Variants in WWP2 observed in about 807,000 individuals in gnomAD.
WWP2 encodes NEDD4-like E3 ubiquitin-protein ligase WWP2.
WWP2 carries 57 observed loss-of-function variants against 121.0 expected under a neutral mutation model. That is an observed-to-expected ratio of 0.47 (90% CI 0.38 to 0.59). The LOEUF (loss-of-function observed/expected upper bound fraction) is 0.59. Among genes scored for constraint, WWP2 ranks in the 20% least tolerant of loss-of-function variants. The pLI is 0.00. For synonymous variants in WWP2, 449 were observed against 441.3 expected, an observed-to-expected ratio of 1.02 and a Z score of -0.22; for missense variants, 962 against 1,158.9, an observed-to-expected ratio of 0.83 and a Z score of 2.47.
chr16:69,781,630 G>A (rs747206553), intron 1 of WWP2, among the ~76,000 whole-genome samples: 3 of 151,926 alleles, frequency 2.0e-5, no homozygotes, highest in Non-Finnish European at 4.4e-5. Flanking sequence ...GATTATAGGC[G>A]CCCGCTGGCT....
At chr16:69,824,577 C>G (rs2056651161) in intron 4 of WWP2, among the ~76,000 whole-genome samples, 1 of 142,170 alleles carries the variant, frequency 7.0e-6, no homozygotes, top group Admixed American at 7.5e-5. Flanking sequence ...CCCTTTTCCT[C>G]TCTCCCTCAA....
intron 8 of WWP2, among the ~76,000 whole-genome samples, chr16:69,892,867 T>C (rs2151943848): frequency 6.6e-6 from 1 of 152,348 alleles, no homozygotes; most frequent in East Asian, 1.9e-4. Flanking sequence ...ACTCTGAGCA[T>C]GACCTTTCAC....
intron 8 of WWP2, among the ~76,000 whole-genome samples, chr16:69,891,656 T>C (rs1418348499): frequency 1.3e-5 from 2 of 152,192 alleles, no homozygotes; most frequent in Non-Finnish European, 2.9e-5. Context: ...GTTCTCCCCC[T>C]GGCTCGACTC....
At chr16:69,870,297 CCTTT>C (rs897864358) in intron 6 of WWP2, among the ~76,000 whole-genome samples, 12 of 121,868 alleles carry the variant, frequency 9.8e-5, no homozygotes, top group African/African-American at 4.3e-4. Context: ...ATTTATTTAT[CCTTT>C]TTTTTTTTTT....
At chr16:69,808,050 A>C (rs979409890) in intron 4 of WWP2, among the ~76,000 whole-genome samples, 1 of 152,224 alleles carries the variant, frequency 6.6e-6, no homozygotes, top group Non-Finnish European at 1.5e-5. Flanking sequence ...ATCAAGACAT[A>C]GCATATTTCT....
chr16:69,849,482 T>TATTCATTCATTCATTCATTCATTCATTC (rs10632935), intron 6 of WWP2, among the ~76,000 whole-genome samples: 1 of 149,554 alleles, frequency 6.7e-6, no homozygotes, highest in Non-Finnish European at 1.5e-5. Context: ...TTTATTTATT[T>TATTCATTCATTCATTCATTCATTCATTC]ATTCATTCAT....
chr16:69,931,423 G>A, intron 14 of WWP2, 86 bp from the exon 15 acceptor site: 1 of 1,570,248 alleles, frequency 6.4e-7, no homozygotes, highest in Non-Finnish European at 8.7e-7. Flanking sequence ...TGGCCCAGCA[G>A]GCTGGGGAAT....
chr16:69,845,912 T>C (rs3827941), intron 6 of WWP2, among the ~76,000 whole-genome samples: 2 of 56,740 alleles, frequency 3.5e-5, no homozygotes, highest in Non-Finnish European at 3.7e-5. Flanking sequence ...TAGCCAGGCA[T>C]GGTGGTGTGT....
chr16:69,889,677 A>G (rs1030419643), intron 8 of WWP2, among the ~76,000 whole-genome samples: 1 of 152,148 alleles, frequency 6.6e-6, no homozygotes, highest in South Asian at 2.1e-4. Context: ...CTGAACCGGG[A>G]GGTGAAGTCC....
At chr16:69,847,570 G>A (rs2057107302) in intron 6 of WWP2, among the ~76,000 whole-genome samples, 2 of 151,412 alleles carry the variant, frequency 1.3e-5, no homozygotes. Context: ...CACCATGCCT[G>A]ACTAATTTTG....
In WWP2 at chr16:69,917,938, G is replaced by A. The variant is rs1171737837; in HGVS notation, c.1179+55G>A. 12 of 1,511,136 alleles carry A rather than the reference G, an allele frequency of 7.9e-6. No individual in the cohort carries two copies. In the Admixed American group the frequency reaches 1.2e-4, roughly 15 times the overall value. The allele number at this position is 1,511,136 out of a possible 1,614,324, so 93.6% of individuals were successfully genotyped here. A position where few individuals can be genotyped will look rare whatever the true frequency, so the allele number is the denominator to read the frequency against. On this transcript the variant is annotated intron_variant, in intron 10 of 23. Transcript: ENST00000359154. ...GGGCCGCCTCCCTGCGCTTGCGAATGTGCAGCCACGTGTTCTCTGTTGACC... is the reference window on the plus strand; with the variant it reads ...GGGCCGCCTCCCTGCGCTTGCGAATATGCAGCCACGTGTTCTCTGTTGACC...
At chr16:69,766,969 G>C (rs991630987) in intron 1 of WWP2, among the ~76,000 whole-genome samples, 1 of 151,490 alleles carries the variant, frequency 6.6e-6, no homozygotes, top group Non-Finnish European at 1.5e-5. Context: ...GGTCAGGCTA[G>C]CCTCAAAATC....
chr16:69,882,667 G>C (rs936131770), intron 7 of WWP2, among the ~76,000 whole-genome samples: 1 of 152,156 alleles, frequency 6.6e-6, no homozygotes, highest in Admixed American at 6.6e-5. Context: ...GGCGTCCAGG[G>C]AAGAAGGCCG....
chr16:69,911,621 T>G (rs1325494914), intron 9 of WWP2, among the ~76,000 whole-genome samples: 1 of 152,198 alleles, frequency 6.6e-6, no homozygotes, highest in Non-Finnish European at 1.5e-5. Flanking sequence ...CTCCAGTCAC[T>G]GTTCTGTGCA....
At chr16:69,786,906 T>C (rs1354387100) in intron 1 of WWP2, 90 bp from the exon 2 acceptor site, 1 of 1,193,480 alleles carries the variant, frequency 8.4e-7, no homozygotes, top group African/African-American at 1.5e-5. Context: ...TTCTTGCCTG[T>C]TTCTTTAAGC....
intron 4 of WWP2, among the ~76,000 whole-genome samples, chr16:69,832,471 A>G (rs2056811196): frequency 6.6e-6 from 1 of 152,222 alleles, no homozygotes; most frequent in Admixed American, 6.5e-5. Flanking sequence ...TAATCATTTA[A>G]TATTTTGAAC....
At chr16:69,773,123 TAGC>T (rs2055452393) in intron 1 of WWP2, among the ~76,000 whole-genome samples, 1 of 151,938 alleles carries the variant, frequency 6.6e-6, no homozygotes, top group Non-Finnish European at 1.5e-5. Flanking sequence ...TTTGTTTCCT[TAGC>T]AACAGTCCTG....
intron 8 of WWP2, among the ~76,000 whole-genome samples, chr16:69,905,677 A>G (rs1419486168): frequency 6.6e-6 from 1 of 152,230 alleles, no homozygotes; most frequent in Non-Finnish European, 1.5e-5. Flanking sequence ...CTCCCTAGTC[A>G]TCTTGATCCT....
In WWP2 at chr16:69,821,140, C is replaced by T. The variant is rs371827581; in HGVS notation, c.341-18986C>T. On this transcript the variant is annotated intron_variant, in intron 4 of 23. Transcript: ENST00000359154. ...CTTTGGGATTTCAGGCTGTCTTTAG[C>T]GGTCTCTGAAAAGCCCTCTGTGTGT... 4.6e-5 allele frequency among the ~76,000 whole-genome samples: 7 copies of T among 152,290 alleles called. No homozygotes were observed. The East Asian group carries it at 5.8e-4, about 13-fold the overall frequency.
Sources: allele counts gnomAD v4.1 joint callset (sites outside exome capture counted in the v4.1 genomes callset), GRCh38; gene constraint gnomAD v4.1.1; transcripts MANE v1.5; gene names NCBI Gene and HGNC (gene_info 2026-07-23, HGNC 2026-07-21).